U2SURP: variants seen among roughly 807,000 people sequenced by gnomAD.
U2SURP encodes the protein U2 snRNP-associated SURP motif-containing protein.
U2SURP carries 9 observed loss-of-function variants against 144.9 expected under a neutral mutation model. That is an observed-to-expected ratio of 0.06 (90% confidence interval 0.04 to 0.11). The LOEUF (loss-of-function observed/expected upper bound fraction) is 0.11, where lower values mean the gene tolerates loss of function less well. Ranked by LOEUF, U2SURP falls within the 10% of genes least tolerant of loss-of-function variation. U2SURP has a pLI of 1.00. For missense variants in U2SURP, 724 were observed against 1,226.7 expected (o/e 0.59, Z 6.12); for synonymous variants, 408 against 396.8 (o/e 1.03, Z -0.33).
chr3:143,021,227 TG>T (rs1042149449), intron 8 of U2SURP, 122 bp from the exon 9 acceptor site: 9 of 1,033,518 alleles, frequency 8.7e-6, no homozygotes, highest in African/African-American at 1.6e-5. Flanking sequence ...TTGTGTGAAG[TG>T]GTCTCTCTTT....
chr3:143,005,310 T>TA (rs1935780914), intron 1 of U2SURP, among the ~76,000 whole-genome samples: 3 of 152,340 alleles, frequency 2.0e-5, no homozygotes, highest in South Asian at 4.1e-4. Context: ...AAGAAATAAG[T>TA]AAACTGAGGA....
At chr3:143,055,739 C>T (rs1234671521) in intron 27 of U2SURP, among the ~76,000 whole-genome samples, 1 of 151,958 alleles carries the variant, frequency 6.6e-6, no homozygotes, top group Non-Finnish European at 1.5e-5. Flanking sequence ...CTAAATGGCA[C>T]CTGTATATAT....
At chr3:143,055,268 C>A in intron 27 of U2SURP, 149 bp downstream of exon 27, 1 of 667,894 alleles carries the variant, frequency 1.5e-6, no homozygotes, top group Non-Finnish European at 2.5e-6. Context: ...TTTGGTTATT[C>A]CTCCCCACCT....
intron 13 of U2SURP, 92 bp from the exon 14 acceptor site, chr3:143,027,057 A>G: frequency 1.0e-6 from 1 of 994,174 alleles, no homozygotes; most frequent in Non-Finnish European, 1.5e-6. Flanking sequence ...CAGAATAATC[A>G]TTTTCTGCAC....
chr3:143,011,027 T>A (rs1388936810), intron 2 of U2SURP, among the ~76,000 whole-genome samples, 168 bp downstream of exon 2: 1 of 152,052 alleles, frequency 6.6e-6, no homozygotes, highest in African/African-American at 2.4e-5. Flanking sequence ...ATGTTCTGCT[T>A]GCATAACTTA....
intron 16 of U2SURP, among the ~76,000 whole-genome samples, chr3:143,032,583 T>A (rs1207999021): frequency 6.6e-6 from 1 of 152,214 alleles, no homozygotes; most frequent in Non-Finnish European, 1.5e-5. Context: ...TGGAATCTTA[T>A]TCTACAGAGT....
intron 3 of U2SURP, among the ~76,000 whole-genome samples, chr3:143,014,081 G>A (rs1936243254): frequency 6.7e-6 from 1 of 149,816 alleles, no homozygotes; most frequent in Non-Finnish European, 1.5e-5. Flanking sequence ...CATGACTTTT[G>A]CATGTTTTTG....
intron 16 of U2SURP, among the ~76,000 whole-genome samples, 160 bp downstream of exon 16, chr3:143,028,806 A>G (rs1047576999): frequency 8.1e-4 from 124 of 152,340 alleles, no homozygotes; most frequent in African/African-American, 2.4e-3. Context: ...AATTTTAAAC[A>G]TCCTAACAAG....
intron 25 of U2SURP, among the ~76,000 whole-genome samples, chr3:143,052,171 A>G (rs894142465): frequency 1.3e-5 from 2 of 152,032 alleles, no homozygotes; most frequent in African/African-American, 4.8e-5. Flanking sequence ...ACCTCAGGCA[A>G]ATCACCTGAG....
At position 143,021,462 on chromosome 3, in the gene U2SURP, TTC is replaced by T; in HGVS notation, c.770-9_770-8del. The T allele has an allele frequency of 1.2e-6, 2 of 1,613,672 alleles. No homozygotes were observed. Among genetic ancestry groups the T allele is most frequent in the Non-Finnish European group, 1.7e-6 (2 of 1,179,752 alleles). On this transcript the variant is annotated splice_polypyrimidine_tract_variant and intron_variant, in intron 9 of 27. Coordinates refer to ENST00000473835, the MANE Select transcript of U2SURP (RefSeq NM_001080415.2). The stretch of plus-strand genomic sequence containing the variant: ...TTGCAGGTTATAATTCTTTTTTTCT[TTC>T]TGCCCTAGTTCTTGATGATTACGCA...
At chr3:143,035,774 ATTTTT>A (rs1180679703) in intron 19 of U2SURP, among the ~76,000 whole-genome samples, 1 of 151,974 alleles carries the variant, frequency 6.6e-6, no homozygotes, top group Admixed American at 6.6e-5. Context: ...CATTATATTT[ATTTTT>A]AGGGGTTTTT....
intron 6 of U2SURP, among the ~76,000 whole-genome samples, chr3:143,019,628 G>A (rs956400116): frequency 6.6e-6 from 1 of 152,274 alleles, no homozygotes; most frequent in Admixed American, 6.5e-5. Context: ...TTCCAAAGAT[G>A]TTACTTACTG....
chr3:143,020,739 T>G, intron 8 of U2SURP, 46 bp downstream of exon 8: 3 of 1,428,402 alleles, frequency 2.1e-6, no homozygotes, highest in Admixed American at 3.6e-5. Context: ...TTAATTACAG[T>G]AGTTCCCACC....
chr3:143,021,461 T>A lies in U2SURP; in HGVS notation c.770-12T>A, dbSNP rs1439149708. ...TTTGCAGGTTATAATTCTTTTTTTC[T>A]TTCTGCCCTAGTTCTTGATGATTAC... On this transcript the variant is annotated splice_polypyrimidine_tract_variant and intron_variant, in intron 9 of 27. Coordinates refer to ENST00000473835, the MANE Select transcript of U2SURP (RefSeq NM_001080415.2). The A allele has an allele frequency of 6.2e-7, 1 of 1,613,656 alleles. No homozygotes were observed. Among genetic ancestry groups the A allele is most frequent in the Admixed American group, 1.7e-5 (1 of 59,960 alleles).
chr3:143,050,592 TCTGA>T (rs1370369281), intron 24 of U2SURP, among the ~76,000 whole-genome samples: 3 of 152,172 alleles, frequency 2.0e-5, no homozygotes, highest in Non-Finnish European at 4.4e-5. Flanking sequence ...TAATCTGCAT[TCTGA>T]CTGTCATATC....
intron 24 of U2SURP, among the ~76,000 whole-genome samples, chr3:143,045,197 G>A (rs1031245619): frequency 1.3e-5 from 2 of 151,652 alleles, no homozygotes; most frequent in African/African-American, 2.4e-5. Context: ...GGTGAAACCC[G>A]GTCTCTACTA....
rs146271910 is a variant in U2SURP at position 143,056,106 on chromosome 3, T to C, written c.2952-206T>C. Among the ~76,000 whole-genome samples, 18 of 152,308 alleles carry C rather than the reference T, an allele frequency of 1.2e-4. No individual in the cohort carries two copies. The East Asian group carries it at 3.1e-3, about 26-fold the overall frequency. Reference sequence around the variant, plus strand: ...CTGTCTTTATAAACAAGCGCTCTACTGATGATCATTGATGCAGTGCATAGT... The same window carrying C: ...CTGTCTTTATAAACAAGCGCTCTACCGATGATCATTGATGCAGTGCATAGT... On this transcript the variant is annotated intron_variant, in intron 27 of 27. Transcript: ENST00000473835.
At chr3:143,032,027 G>A (rs904794105) in intron 16 of U2SURP, among the ~76,000 whole-genome samples, 3 of 152,014 alleles carry the variant, frequency 2.0e-5, no homozygotes, top group South Asian at 2.1e-4. Flanking sequence ...TGCCAGCAGG[G>A]GGATAGAGAT....
chr3:143,003,733 G>C (rs1935668534), intron 1 of U2SURP, among the ~76,000 whole-genome samples: 1 of 135,316 alleles, frequency 7.4e-6, no homozygotes, highest in South Asian at 2.3e-4. Context: ...GCCCAGGCTG[G>C]AGTGCTGGAG....
Sources: gnomAD v4.1 joint callset for allele counts (sites outside exome capture counted in the v4.1 genomes callset) on GRCh38, gnomAD v4.1.1 for gene constraint, MANE v1.5 for transcripts, NCBI Gene and HGNC (gene_info 2026-07-23, HGNC 2026-07-21) for gene names.